Variants in ADK observed in about 807,000 individuals in gnomAD.
ADK encodes the protein N6,N6-dimethyladenosine kinase.
Under a neutral mutation model 44.7 loss-of-function variants are expected in ADK, and 24 were observed. The ratio of observed to expected loss-of-function variants is 0.54; its 90% CI spans 0.39 to 0.76. The LOEUF is 0.76. Ranked by LOEUF, ADK falls within the 30% of genes least tolerant of loss-of-function variation. The probability of loss-of-function intolerance (pLI) is 0.00; values close to 1 mark genes in which losing one functional copy is unlikely to be tolerated. For synonymous variants in ADK, 128 were observed against 142.6 expected (o/e 0.90, Z 0.73); for missense variants, 321 against 425.1 (o/e 0.76, Z 2.15).
intron 4 of ADK, among the ~76,000 whole-genome samples, chr10:74,363,080 A>G (rs1219196604): frequency 6.6e-6 from 1 of 152,200 alleles, no homozygotes; most frequent in Non-Finnish European, 1.5e-5. Flanking sequence ...TCAGATTAGC[A>G]TGCATCACCC....
chr10:74,171,284 TACTG>T (rs967219428), intron 1 of ADK, among the ~76,000 whole-genome samples: 1 of 152,238 alleles, frequency 6.6e-6, no homozygotes, highest in African/African-American at 2.4e-5. Flanking sequence ...AAGTTGGAAT[TACTG>T]ACACATATTG....
chr10:74,405,638 C>A (rs909445929), intron 6 of ADK, among the ~76,000 whole-genome samples: 1 of 151,968 alleles, frequency 6.6e-6, no homozygotes, highest in Non-Finnish European at 1.5e-5. Context: ...AGGTTGTATA[C>A]GTCTTATGAG....
chr10:74,430,161 T>A (rs904423864), intron 6 of ADK, among the ~76,000 whole-genome samples: 1 of 152,196 alleles, frequency 6.6e-6, no homozygotes, highest in Non-Finnish European at 1.5e-5. Flanking sequence ...TTAATTAATT[T>A]TTTTTATTTT....
chr10:74,501,679 A>G (rs1381668202), intron 6 of ADK, among the ~76,000 whole-genome samples: 2 of 152,202 alleles, frequency 1.3e-5, no homozygotes, highest in Non-Finnish European at 2.9e-5. Flanking sequence ...TTCATAAAAA[A>G]GAATAAAGTA....
At chr10:74,618,086 A>G (rs1438570431) in intron 9 of ADK, among the ~76,000 whole-genome samples, 1 of 144,260 alleles carries the variant, frequency 6.9e-6, no homozygotes, top group Non-Finnish European at 1.5e-5. Context: ...TTTATTTTCA[A>G]CCTTTCTGTG....
chr10:74,680,140 C>T (rs1339984870), intron 10 of ADK, among the ~76,000 whole-genome samples: 1 of 151,818 alleles, frequency 6.6e-6, no homozygotes, highest in African/African-American at 2.4e-5. Context: ...AGGTGAAACC[C>T]CGTCTCTACT....
At chr10:74,449,658 T>C (rs576873274) in intron 6 of ADK, among the ~76,000 whole-genome samples, 15 of 152,322 alleles carry the variant, frequency 9.8e-5, no homozygotes, top group African/African-American at 2.9e-4. Flanking sequence ...TAAAGTTGTT[T>C]CAAGCATTTT....
chr10:74,575,592 G>T (rs887055726), intron 7 of ADK, among the ~76,000 whole-genome samples: 6 of 152,180 alleles, frequency 3.9e-5, no homozygotes, highest in African/African-American at 1.4e-4. Context: ...CCTGGGGCAT[G>T]TTCAGAGAAT....
chr10:74,375,568 A>G (rs1842790555), intron 4 of ADK, among the ~76,000 whole-genome samples: 2 of 152,034 alleles, frequency 1.3e-5, no homozygotes. Flanking sequence ...GTTACTACCT[A>G]TTTACACTTG....
chr10:74,606,461 C>A (rs1482737239), intron 9 of ADK, among the ~76,000 whole-genome samples: 1 of 152,134 alleles, frequency 6.6e-6, no homozygotes, highest in Non-Finnish European at 1.5e-5. Context: ...TTTTAAAGAA[C>A]TTATTTATTT....
chr10:74,161,284 A>T (rs569293519), intron 1 of ADK, among the ~76,000 whole-genome samples: 207 of 152,084 alleles, frequency 1.4e-3, no homozygotes, highest in Non-Finnish European at 2.5e-3. Context: ...TCACTGCAAC[A>T]TTCACCTCTC....
chr10:74,606,098 T>C (rs1344481919), intron 9 of ADK, among the ~76,000 whole-genome samples: 2 of 152,214 alleles, frequency 1.3e-5, no homozygotes, highest in Non-Finnish European at 2.9e-5. Context: ...CTCCCCTTTA[T>C]CATTTTTTAT....
chr10:74,655,205 G>A (rs1207551354), intron 9 of ADK: 1 of 347,868 alleles, frequency 2.9e-6, no homozygotes, highest in Non-Finnish European at 5.7e-6. Flanking sequence ...AACATGAAAG[G>A]GACAGAGATG....
At chr10:74,251,550 C>T (rs938060790) in intron 3 of ADK, among the ~76,000 whole-genome samples, 3 of 152,080 alleles carry the variant, frequency 2.0e-5, no homozygotes, top group African/African-American at 7.2e-5. Flanking sequence ...ATTCATCATC[C>T]ATTTAATTCT....
chr10:74,681,726 T>A (rs1413466403), intron 10 of ADK, among the ~76,000 whole-genome samples: 2 of 151,978 alleles, frequency 1.3e-5, no homozygotes, highest in African/African-American at 4.8e-5. Flanking sequence ...GGCGGGCACC[T>A]GTAATCCCAG....
intron 7 of ADK, among the ~76,000 whole-genome samples, chr10:74,544,873 A>C (rs1849770511): frequency 6.6e-6 from 1 of 151,644 alleles, no homozygotes; most frequent in Non-Finnish European, 1.5e-5. Context: ...AAAATAATGA[A>C]AACCGAGGAG....
At chr10:74,246,915 C>T (rs1845434613) in intron 3 of ADK, among the ~76,000 whole-genome samples, 1 of 151,888 alleles carries the variant, frequency 6.6e-6, no homozygotes, top group African/African-American at 2.4e-5. Flanking sequence ...TAAAATGTTA[C>T]ATTAACATTT....
At chr10:74,325,017 T>A (rs1840957882) in intron 4 of ADK, among the ~76,000 whole-genome samples, 1 of 152,234 alleles carries the variant, frequency 6.6e-6, no homozygotes, top group Non-Finnish European at 1.5e-5. Flanking sequence ...GAATTTTTTT[T>A]CTATTTCTAT....
intron 3 of ADK, 77 bp from the exon 4 acceptor site, chr10:74,314,590 T>C (rs1253170877): frequency 1.1e-6 from 1 of 890,278 alleles, no homozygotes; most frequent in Non-Finnish European, 1.9e-6. Context: ...GTTTTAATAC[T>C]CTTCTGCTCA....
Sources: allele counts gnomAD v4.1 joint callset (sites outside exome capture counted in the v4.1 genomes callset), GRCh38; gene constraint gnomAD v4.1.1; transcripts MANE v1.5; gene names NCBI Gene and HGNC (gene_info 2026-07-23, HGNC 2026-07-21).